The following STK4 variants were observed in gnomAD, a reference collection of about 807,000 sequenced individuals.
STK4 encodes the protein serine/threonine kinase 4.
STK4 carries 30 observed loss-of-function variants against 64.9 expected under a neutral mutation model. The observed-to-expected ratio is 0.46, with a 90% CI of 0.35 to 0.63. STK4 has a LOEUF of 0.63. STK4 is among the 20% of genes least tolerant of loss of function. The probability of loss-of-function intolerance (pLI) is 0.01; values close to 1 mark genes in which losing one functional copy is unlikely to be tolerated. For missense variants in STK4, 466 were observed against 598.5 expected (o/e 0.78, Z 2.31); for synonymous variants, 177 against 199.0 (o/e 0.89, Z 0.93).
chr20:45,022,236 A>T (rs1397320655), intron 9 of STK4, among the ~76,000 whole-genome samples: 1 of 152,216 alleles, frequency 6.6e-6, no homozygotes, highest in Non-Finnish European at 1.5e-5. Context: ...TACAGCTTAT[A>T]TCTGAATATG....
intron 10 of STK4, among the ~76,000 whole-genome samples, chr20:45,030,107 C>CTT (rs34694436): frequency 4.3e-4 from 60 of 140,440 alleles, no homozygotes; most frequent in South Asian, 9.1e-4. Flanking sequence ...CTCACAGTTG[C>CTT]TTTTTTTTTT....
intron 10 of STK4, among the ~76,000 whole-genome samples, chr20:45,063,103 A>G (rs1389179145): frequency 7.1e-6 from 1 of 141,526 alleles, no homozygotes. Flanking sequence ...TCCTGGGCTC[A>G]GTTGATCCAC....
chr20:45,000,355 T>C, intron 7 of STK4, 37 bp from the exon 8 acceptor site: 1 of 1,601,148 alleles, frequency 6.2e-7, no homozygotes, highest in Non-Finnish European at 8.5e-7. Flanking sequence ...TGTCACCATA[T>C]AAACTGTCTC....
chr20:45,024,690 A>T (rs926537723), intron 9 of STK4, among the ~76,000 whole-genome samples: 1 of 152,206 alleles, frequency 6.6e-6, no homozygotes, highest in African/African-American at 2.4e-5. Flanking sequence ...GATTATCAGA[A>T]TCATTGCATC....
chr20:45,039,312 A>G (rs12479457), intron 10 of STK4, among the ~76,000 whole-genome samples: 1 of 152,108 alleles, frequency 6.6e-6, no homozygotes, highest in African/African-American at 2.4e-5. Context: ...ATTTCATTAA[A>G]CAATATAAAA....
chr20:45,066,007 A>T (rs73113459), intron 10 of STK4, among the ~76,000 whole-genome samples: 17,427 of 152,064 alleles, frequency 0.11, 1,332 homozygotes, highest in Middle Eastern at 0.22. Flanking sequence ...AAGAGTTGTG[A>T]TGCTGGCAAT....
At position 44,972,317 on chromosome 20, in the gene STK4, A is replaced by T. The variant is rs1382890111; in HGVS notation, c.116+159A>T. The T allele has an allele frequency of 9.6e-6, 6 of 624,078 alleles. No individual in the cohort carries two copies. In the African/African-American group the frequency reaches 1.1e-4, roughly 12 times the overall value. 38.7% of individuals were successfully genotyped at this position (624,078 alleles called of 1,614,324 possible). A position where few individuals can be genotyped will look rare whatever the true frequency, so the allele number is the denominator to read the frequency against. On this transcript the variant is annotated intron_variant, in intron 2 of 10. Transcript: ENST00000372806. ...TCTTCGCTTTACTCCAATCCCTATTATAGACAGATTTAGTGATTCCTGGTC... is the reference window on the plus strand; with the variant it reads ...TCTTCGCTTTACTCCAATCCCTATTTTAGACAGATTTAGTGATTCCTGGTC...
intron 9 of STK4, among the ~76,000 whole-genome samples, chr20:45,013,007 C>G (rs530868263): frequency 4.8e-4 from 64 of 133,954 alleles, no homozygotes; most frequent in African/African-American, 1.6e-3. Flanking sequence ...CTGTGTTGCC[C>G]AGGCTGGTCT....
chr20:45,043,975 C>T (rs2068653956), intron 10 of STK4, among the ~76,000 whole-genome samples: 1 of 152,176 alleles, frequency 6.6e-6, no homozygotes. Flanking sequence ...CCAAAGAATA[C>T]TTGCTCCCAG....
At chr20:45,003,064 A>G (rs2067869847) in intron 9 of STK4, among the ~76,000 whole-genome samples, 1 of 152,160 alleles carries the variant, frequency 6.6e-6, no homozygotes, top group Admixed American at 6.5e-5. Context: ...GTTAGCGTAC[A>G]GTAGGTATGA....
intron 5 of STK4, among the ~76,000 whole-genome samples, chr20:44,993,467 A>C (rs759049569): frequency 2.6e-5 from 4 of 152,208 alleles, no homozygotes; most frequent in South Asian, 4.1e-4. Flanking sequence ...GACTATCACC[A>C]TTTGAAAACA....
chr20:44,989,973 G>T (rs1294665798), intron 5 of STK4, among the ~76,000 whole-genome samples: 1 of 152,194 alleles, frequency 6.6e-6, no homozygotes, highest in Non-Finnish European at 1.5e-5. Context: ...AGTTGGTTAA[G>T]TGTGAGTGTT....
intron 7 of STK4, among the ~76,000 whole-genome samples, chr20:44,998,643 AATAAAG>A (rs1410524898): frequency 2.6e-5 from 4 of 152,206 alleles, no homozygotes; most frequent in Non-Finnish European, 5.9e-5. Flanking sequence ...GATGGAGAAA[AATAAAG>A]ATAATTTATA....
chr20:44,967,223 C>G (rs1279438594), intron 1 of STK4: 1 of 985,188 alleles, frequency 1.0e-6, no homozygotes, highest in African/African-American at 1.7e-5. Flanking sequence ...CAGTGTCTTC[C>G]TAATGGTCTT....
In STK4 at chr20:45,075,769, C is replaced by T. The variant is rs995689165; in HGVS notation, c.*593C>T. On this transcript the variant is annotated 3_prime_UTR_variant, in exon 11 of 11. Coordinates refer to ENST00000372806, the MANE Select transcript of STK4 (RefSeq NM_006282.5). ...ATTAGGTTTGGGACAGTTCTTGTAC[C>T]GTGGTTTCAGCCTTGTGTGGTCATC... is the stretch of plus-strand genomic sequence containing the variant. The T allele has an allele frequency of 1.3e-5, 2 of 152,630 alleles. No homozygotes were observed. Among genetic ancestry groups the T allele is most frequent in the Admixed American group, 6.5e-5 (1 of 15,280 alleles). 9.5% of individuals were successfully genotyped at this position (152,630 alleles called of 1,614,324 possible). A position where few individuals can be genotyped will look rare whatever the true frequency, so the allele number is the denominator to read the frequency against.
intron 1 of STK4, chr20:44,967,093 T>G: frequency 1.0e-6 from 1 of 968,036 alleles, no homozygotes. Context: ...CGCCTAAGGC[T>G]GAAAGCATGC....
In STK4 at chr20:45,072,847, T is replaced by C. The variant is rs574062015; in HGVS notation, c.1306-2171T>C. On this transcript the variant is annotated intron_variant, in intron 10 of 10. Coordinates refer to ENST00000372806, the MANE Select transcript of STK4 (RefSeq NM_006282.5). Reference sequence around the variant, plus strand: ...TGTACAATAATAATAAGAATAACAATAGCAACAATAACAACAGTGATAACA... The same window carrying C: ...TGTACAATAATAATAAGAATAACAACAGCAACAATAACAACAGTGATAACA... Among the ~76,000 whole-genome samples, 6 of 152,296 alleles carry C rather than the reference T, an allele frequency of 3.9e-5. No homozygotes were observed. The South Asian group carries it at 1.2e-3, about 32-fold the overall frequency.
intron 1 of STK4, chr20:44,970,604 AG>A (rs987380992): frequency 6.6e-6 from 1 of 152,284 alleles, no homozygotes; most frequent in African/African-American, 2.4e-5. Context: ...TTCATTTTGA[AG>A]GTAGGAGTTT....
At chr20:45,044,650 G>A (rs1224754239) in intron 10 of STK4, among the ~76,000 whole-genome samples, 3 of 152,000 alleles carry the variant, frequency 2.0e-5, no homozygotes, top group African/African-American at 7.2e-5. Context: ...GCAAGATCGT[G>A]TCTCAAAAAA....
Sources: gnomAD v4.1 joint callset for allele counts (sites outside exome capture counted in the v4.1 genomes callset) on GRCh38, gnomAD v4.1.1 for gene constraint, MANE v1.5 for transcripts, NCBI Gene and HGNC (gene_info 2026-07-23, HGNC 2026-07-21) for gene names.